The following CPT1A variants were observed in gnomAD, a reference collection of about 807,000 sequenced individuals.
The protein encoded by CPT1A is carnitine palmitoyltransferase 1A.
A neutral mutation model predicts 100.8 loss-of-function variants in CPT1A; 64 were observed. That is an observed-to-expected ratio of 0.63 (90% CI 0.52 to 0.78). The LOEUF (loss-of-function observed/expected upper bound fraction) is 0.78, where lower values mean the gene tolerates loss of function less well. Ranked by LOEUF, CPT1A falls within the 30% of genes least tolerant of loss-of-function variation. The pLI, the probability that CPT1A is intolerant of heterozygous loss-of-function variation, is 0.00. For missense variants in CPT1A, 802 were observed against 1,034.1 expected (o/e 0.78, Z 3.08); for synonymous variants, 363 against 396.0 (o/e 0.92, Z 0.99).
rs557097399 is a variant in CPT1A, at chr11:68,809,723, G to A, written c.282-2085C>T. On this transcript the variant is annotated intron_variant, in intron 3 of 18. Coordinates refer to ENST00000265641, the MANE Select transcript of CPT1A (RefSeq NM_001876.4). ...GCTGGAAGACGTTGGCCCTTAACCC[G>A]GCCTTTCTAAATTTAGGCCAGGGAT... 5.3e-5 allele frequency among the ~76,000 whole-genome samples: 8 copies of A among 152,282 alleles called. No homozygotes were observed. In the South Asian group the frequency reaches 6.2e-4, roughly 12 times the overall value.
intron 9 of CPT1A, among the ~76,000 whole-genome samples, chr11:68,788,533 G>A (rs188333582): frequency 2.7e-4 from 41 of 149,902 alleles, no homozygotes; most frequent in African/African-American, 9.1e-4. Context: ...TGGAAGGTGC[G>A]GTTTGCAGTG....
intron 4 of CPT1A, among the ~76,000 whole-genome samples, chr11:68,805,608 C>A (rs1167160167): frequency 6.6e-6 from 1 of 152,090 alleles, no homozygotes; most frequent in Non-Finnish European, 1.5e-5. Context: ...CCGAGGCGAC[C>A]AAGCAGAAGG....
At chr11:68,795,747 T>C (rs1855739164) in intron 7 of CPT1A, among the ~76,000 whole-genome samples, 2 of 151,762 alleles carry the variant, frequency 1.3e-5, no homozygotes, top group South Asian at 4.2e-4. Flanking sequence ...CCGTTTCTAC[T>C]AAAAATACAA....
chr11:68,760,889 C>T (rs1220574685), intron 16 of CPT1A, among the ~76,000 whole-genome samples: 7 of 150,920 alleles, frequency 4.6e-5, no homozygotes, highest in Non-Finnish European at 8.8e-5. Flanking sequence ...GGCATGGCAG[C>T]GTGTGCCTGT....
intron 1 of CPT1A, among the ~76,000 whole-genome samples, chr11:68,833,826 G>A (rs539432077): frequency 6.6e-6 from 1 of 152,100 alleles, no homozygotes; most frequent in East Asian, 1.9e-4. Flanking sequence ...TTTTCGGAGG[G>A]TTTCATGTAC....
chr11:68,779,069 C>A (rs900236243), intron 12 of CPT1A, among the ~76,000 whole-genome samples: 14 of 152,136 alleles, frequency 9.2e-5, no homozygotes, highest in Non-Finnish European at 1.6e-4. Context: ...CAGGCGTGAG[C>A]CACCGCGCCT....
Position 68,756,929 on chromosome 11 carries a change from T to G in CPT1A, c.*715A>C, listed in dbSNP as rs1375937472. On this transcript the variant is annotated 3_prime_UTR_variant, in exon 19 of 19. Transcript: ENST00000265641. ...GTGAAGGGAACAGTATACCCACAAT[T>G]CCACCCAAAGACTCTACAAAATAAA... is the stretch of plus-strand genomic sequence containing the variant. 1 of 153,140 alleles carries G rather than the reference T, an allele frequency of 6.5e-6. No homozygotes were observed. Among genetic ancestry groups the G allele is most frequent in the Non-Finnish European group, 1.5e-5 (1 of 68,730 alleles). 9.5% of individuals were successfully genotyped at this position (153,140 alleles called of 1,614,324 possible).
In CPT1A at chr11:68,811,156, C is replaced by T. The variant is rs369673570; in HGVS notation, c.281+1281G>A. On this transcript the variant is annotated intron_variant, in intron 3 of 18. Coordinates refer to ENST00000265641, the MANE Select transcript of CPT1A (RefSeq NM_001876.4). ...TTCGTTTTTTAGCTTAGCCCAGACCCGGCATTGTGCCTTCCACCTGCAATT... is the reference window on the plus strand; with the variant it reads ...TTCGTTTTTTAGCTTAGCCCAGACCTGGCATTGTGCCTTCCACCTGCAATT... Among the ~76,000 whole-genome samples the T allele has an allele frequency of 1.6e-3, 238 of 152,288 alleles. 1 individual carries two copies. The Middle Eastern group carries it at 0.02, about 13-fold the overall frequency.
chr11:68,766,070 C>T (rs1328867610), intron 14 of CPT1A, among the ~76,000 whole-genome samples: 1 of 152,040 alleles, frequency 6.6e-6, no homozygotes, highest in Admixed American at 6.6e-5. Context: ...CGCGTTTCCC[C>T]ATGTTGGCCA....
chr11:68,775,574 C>T, intron 12 of CPT1A, 142 bp from the exon 13 acceptor site: 1 of 684,050 alleles, frequency 1.5e-6, no homozygotes, highest in Non-Finnish European at 2.6e-6. Flanking sequence ...ATGCTCAGCA[C>T]CTAATGAGGT....
At chr11:68,815,133 C>T (rs1296611817) in intron 2 of CPT1A, among the ~76,000 whole-genome samples, 1 of 152,186 alleles carries the variant, frequency 6.6e-6, no homozygotes, top group Admixed American at 6.5e-5. Flanking sequence ...TGCCAAGTCC[C>T]TCCACCTGCC....
At chr11:68,836,284 T>C (rs776384934) in intron 1 of CPT1A, among the ~76,000 whole-genome samples, 1 of 152,138 alleles carries the variant, frequency 6.6e-6, no homozygotes, top group Non-Finnish European at 1.5e-5. Flanking sequence ...AAGACCAGCC[T>C]GGGCAACATA....
In CPT1A at chr11:68,784,779, C is replaced by T. The variant is rs371026060; in HGVS notation, c.1163+36G>A. ...CCAGTGAGGAAGAGCGCCTCCACCA[C>T]CCCCCAAAACAGGACAAGGGACCTA... On this transcript the variant is annotated intron_variant, in intron 10 of 18. Transcript: ENST00000265641. 97 of 1,590,750 alleles carry T rather than the reference C, an allele frequency of 6.1e-5. No homozygotes were observed. The East Asian group carries it at 1.3e-3, about 21-fold the overall frequency.
intron 1 of CPT1A, chr11:68,818,718 T>G (rs970731831): frequency 6.6e-6 from 1 of 151,842 alleles, no homozygotes; most frequent in East Asian, 1.9e-4. Flanking sequence ...ATTAGCCAGG[T>G]GTGGTGGCAT....
intron 14 of CPT1A, among the ~76,000 whole-genome samples, chr11:68,768,066 C>CTT (rs71043448): frequency 0.6 from 42,033 of 70,618 alleles, 18,434 homozygotes; most frequent in East Asian, 0.67. Flanking sequence ...AGTTTCCAGT[C>CTT]TTTTTTTTTT....
At chr11:68,821,706 AG>A (rs1180487341) in intron 1 of CPT1A, among the ~76,000 whole-genome samples, 1 of 152,150 alleles carries the variant, frequency 6.6e-6, no homozygotes, top group Non-Finnish European at 1.5e-5. Context: ...GTTATTATTT[AG>A]GTTTTTTCTT....
chr11:68,788,957 CTGTT>C (rs1451887081), intron 9 of CPT1A, among the ~76,000 whole-genome samples: 5 of 152,160 alleles, frequency 3.3e-5, no homozygotes, highest in African/African-American at 1.2e-4. Context: ...GCTCTACAGA[CTGTT>C]TGACCAATGC....
At chr11:68,796,540 G>C (rs1855759819) in intron 7 of CPT1A, among the ~76,000 whole-genome samples, 1 of 152,126 alleles carries the variant, frequency 6.6e-6, no homozygotes, top group Non-Finnish European at 1.5e-5. Context: ...TGGGGGACAA[G>C]AGCAAAGCTC....
chr11:68,796,710 C>T (rs1176524949), intron 7 of CPT1A, 146 bp downstream of exon 7: 12 of 774,282 alleles, frequency 1.5e-5, no homozygotes, highest in African/African-American at 1.2e-4. Context: ...TAGGGTTCTC[C>T]GGCCTGGAAG....
Sources: gnomAD v4.1 joint callset for allele counts (sites outside exome capture counted in the v4.1 genomes callset) on GRCh38, gnomAD v4.1.1 for gene constraint, MANE v1.5 for transcripts, NCBI Gene and HGNC (gene_info 2026-07-23, HGNC 2026-07-21) for gene names.